PDE12: variants seen among roughly 807,000 people sequenced by gnomAD.
PDE12 encodes the protein 2',5'-phosphodiesterase 12.
PDE12 carries 26 observed loss-of-function variants against 45.4 expected under a neutral mutation model. The observed-to-expected ratio is 0.57, with a 90% CI of 0.42 to 0.79. The LOEUF is 0.79. Among genes scored for constraint, PDE12 ranks in the 30% least tolerant of loss-of-function variants. The pLI is 0.00. For synonymous variants in PDE12, 283 were observed against 323.9 expected (o/e 0.87, Z 1.36); for missense variants, 668 against 790.0 (o/e 0.85, Z 1.85).
chr3:57,633,785 A>G, the PDE12 span, among the ~76,000 whole-genome samples: 1 of 151,838 alleles, frequency 6.6e-6, no homozygotes, highest in African/African-American at 2.4e-5. Context: ...AGCTACTTGG[A>G]AGGCTGAGAC....
At chr3:57,630,345 A>G in the PDE12 span, 2 of 1,317,700 alleles carry the variant, frequency 1.5e-6, no homozygotes, top group Non-Finnish European at 2.1e-6. Context: ...TAAAGGGTAC[A>G]ATCTTCAACT....
Position 57,559,177 on chromosome 3 carries a change from C to T in PDE12, c.1309-133C>T, listed in dbSNP as rs188225156. On this transcript the variant is annotated intron_variant, in intron 1 of 2. Coordinates refer to ENST00000311180, the MANE Select transcript of PDE12 (RefSeq NM_177966.7). ...CGGAGCTTGCAGTGAGCCGAGATCG[C>T]GCTACTGCACTCCAGCCTGGTTGAC... 2.1e-4 allele frequency: 140 copies of T among 664,246 alleles called. 1 individual carries two copies. The Middle Eastern group carries it at 5.5e-3, about 26-fold the overall frequency. 41.1% of individuals were successfully genotyped at this position (664,246 alleles called of 1,614,324 possible). A position where few individuals can be genotyped will look rare whatever the true frequency, so the allele number is the denominator to read the frequency against.
chr3:57,614,080 A>T, the PDE12 span, among the ~76,000 whole-genome samples: 116 of 152,250 alleles, frequency 7.6e-4, 3 homozygotes, highest in South Asian at 0.022. Context: ...ATTATAGTCA[A>T]GAGATTTCAA....
the PDE12 span, among the ~76,000 whole-genome samples, chr3:57,602,102 G>C: frequency 6.6e-6 from 1 of 152,178 alleles, no homozygotes; most frequent in African/African-American, 2.4e-5. Context: ...TCTATAAATA[G>C]CGGTACTATT....
At chr3:57,644,373 T>G in the PDE12 span, among the ~76,000 whole-genome samples, 1 of 151,930 alleles carries the variant, frequency 6.6e-6, no homozygotes, top group Non-Finnish European at 1.5e-5. Context: ...TGGCACGATC[T>G]GAGTTCACTG....
chr3:57,576,460 A>G, the PDE12 span, among the ~76,000 whole-genome samples: 1 of 151,728 alleles, frequency 6.6e-6, no homozygotes, highest in African/African-American at 2.4e-5. Flanking sequence ...ATGCACATTT[A>G]AAAAGGATGA....
chr3:57,594,808 GATCT>G, the PDE12 span, among the ~76,000 whole-genome samples: 1 of 152,152 alleles, frequency 6.6e-6, no homozygotes, highest in Admixed American at 6.5e-5. Flanking sequence ...CTTTAAAAGT[GATCT>G]ATTATTTTTG....
chr3:57,581,217 TAGG>T, the PDE12 span, among the ~76,000 whole-genome samples: 2 of 152,192 alleles, frequency 1.3e-5, no homozygotes, highest in African/African-American at 2.4e-5. Flanking sequence ...ATTTTATAGC[TAGG>T]AGAACTGATC....
At chr3:57,649,038 C>G in the PDE12 span, among the ~76,000 whole-genome samples, 6 of 152,042 alleles carry the variant, frequency 3.9e-5, no homozygotes, top group South Asian at 1.0e-3. Context: ...TGCTTCTGTA[C>G]AGCAAAAGAA....
the PDE12 span, among the ~76,000 whole-genome samples, chr3:57,615,002 A>AG: frequency 6.6e-6 from 1 of 151,566 alleles, no homozygotes; most frequent in East Asian, 2.0e-4. Context: ...CAAAAAAAAA[A>AG]AAAGTTTTTT....
At chr3:57,575,269 C>T in the PDE12 span, among the ~76,000 whole-genome samples, 1 of 146,672 alleles carries the variant, frequency 6.8e-6, no homozygotes, top group East Asian at 2.0e-4. Flanking sequence ...TTAAGACTAT[C>T]AATAATCTTC....
chr3:57,611,003 A>C, the PDE12 span, among the ~76,000 whole-genome samples: 64 of 152,296 alleles, frequency 4.2e-4, no homozygotes, highest in East Asian at 0.012. Flanking sequence ...AGGCTACAGT[A>C]ACCAAAACAG....
the PDE12 span, among the ~76,000 whole-genome samples, chr3:57,579,044 C>G: frequency 6.6e-6 from 1 of 151,932 alleles, no homozygotes; most frequent in Non-Finnish European, 1.5e-5. Context: ...CGCCTGTAAT[C>G]CCAGCATTCT....
the PDE12 span, chr3:57,596,962 G>A: frequency 8.4e-7 from 1 of 1,191,294 alleles, no homozygotes; most frequent in South Asian, 1.4e-5. Flanking sequence ...CCCCGACCCG[G>A]CGCCCCTCCC....
At chr3:57,597,161 T>G in the PDE12 span, 1 of 1,609,732 alleles carries the variant, frequency 6.2e-7, no homozygotes, top group Admixed American at 1.7e-5. Context: ...GCACTTGTGA[T>G]GGGCAGAAGC....
At chr3:57,619,204 C>T in the PDE12 span, among the ~76,000 whole-genome samples, 2 of 151,678 alleles carry the variant, frequency 1.3e-5, no homozygotes, top group African/African-American at 4.8e-5. Context: ...AAAAATTAGC[C>T]GGGTGTGGTG....
chr3:57,654,511 TG>T, the PDE12 span: 1 of 543,512 alleles, frequency 1.8e-6, no homozygotes, highest in Non-Finnish European at 2.3e-6. Context: ...GAGAAGCAGG[TG>T]GCAGGAGGTG....
At position 57,561,752 on chromosome 3, in the gene PDE12, C is replaced by T; in HGVS notation, c.*1748C>T. ...TCTGAACCTAGTATCATAAGAATTT[C>T]CTCTTTTGATAACATCTGTACTTTC... On this transcript the variant is annotated 3_prime_UTR_variant, in exon 3 of 3. Transcript: ENST00000311180. 1.4e-5 allele frequency: 14 copies of T among 984,216 alleles called. No homozygotes were observed. The highest frequency in any genetic ancestry group is 1.7e-5 in the Non-Finnish European group (14 of 828,908). The allele number at this position is 984,216 out of a possible 1,614,324, so 61.0% of individuals were successfully genotyped here.
chr3:57,644,149 C>CA, the PDE12 span, among the ~76,000 whole-genome samples: 2,774 of 73,010 alleles, frequency 0.038, 46 homozygotes, highest in African/African-American at 0.079. Context: ...GACTCCATCT[C>CA]AAAAAAAAAA....
Sources: gnomAD v4.1 joint callset for allele counts (sites outside exome capture counted in the v4.1 genomes callset) on GRCh38, gnomAD v4.1.1 for gene constraint, MANE v1.5 for transcripts, NCBI Gene and HGNC (gene_info 2026-07-23, HGNC 2026-07-21) for gene names.